Variants in COX4I2 observed in about 807,000 individuals in gnomAD.
The protein encoded by COX4I2 is cytochrome c oxidase subunit 4I2, also known as cytochrome c oxidase subunit 4 isoform 2, mitochondrial.
In COX4I2, 15 loss-of-function variants were observed where a neutral mutation model predicts 20.8. The observed-to-expected ratio is 0.72, with a 90% CI of 0.48 to 1.11. The LOEUF is 1.11. Among genes scored for constraint, COX4I2 ranks in the 50% most tolerant of loss-of-function variants. COX4I2 has a pLI of 0.00. For missense variants in COX4I2, 224 were observed against 223.0 expected (o/e 1.00, Z -0.03); for synonymous variants, 80 against 78.1 (o/e 1.02, Z -0.13).
Position 31,644,997 on chromosome 20 carries a change from C to A in COX4I2, c.*93C>A. The A allele has an allele frequency of 2.8e-6, 4 of 1,437,960 alleles. No individual in the cohort carries two copies. The highest frequency in any genetic ancestry group is 2.9e-5 in the African/African-American group (2 of 69,642). 89.1% of individuals were successfully genotyped at this position (1,437,960 alleles called of 1,614,324 possible). ...CCTGCCCTTAACCCCAGTAAAGCTC[C>A]AAAAAAAAATTTATTCTCTTCTGCC... On this transcript the variant is annotated 3_prime_UTR_variant, in exon 5 of 5. Coordinates refer to ENST00000376075, the MANE Select transcript of COX4I2 (RefSeq NM_032609.3).
intron 2 of COX4I2, 34 bp downstream of exon 2, chr20:31,639,133 CCA>C (rs1428555031): frequency 1.3e-6 from 2 of 1,583,046 alleles, no homozygotes; most frequent in Admixed American, 3.6e-5. Context: ...CTGCCTAACT[CCA>C]GAGATAGGGG....
Position 31,639,154 on chromosome 20 carries a change from C to T in COX4I2, c.82+55C>T. 1.1e-5 allele frequency: 17 copies of T among 1,561,232 alleles called. No homozygotes were observed. The South Asian group carries it at 1.8e-4, about 16-fold the overall frequency. ...AACTCCAGAGATAGGGGCAGGGGTC[C>T]CCTCTGCAGGCTGCCCCCTTTGCCC... is the stretch of plus-strand genomic sequence containing the variant. On this transcript the variant is annotated intron_variant, in intron 2 of 4. Transcript: ENST00000376075.
At chr20:31,641,301 G>T (rs2060466822) in intron 3 of COX4I2, among the ~76,000 whole-genome samples, 1 of 151,090 alleles carries the variant, frequency 6.6e-6, no homozygotes, top group Non-Finnish European at 1.5e-5. Context: ...TGAGGCTAGA[G>T]TGAGCTGTGA....
At chr20:31,642,054 G>A (rs1436524600) in intron 3 of COX4I2, among the ~76,000 whole-genome samples, 3 of 151,792 alleles carry the variant, frequency 2.0e-5, no homozygotes, top group African/African-American at 7.3e-5. Context: ...GTCTCACTAT[G>A]GTTGCTCAGG....
intron 4 of COX4I2, 101 bp from the exon 5 acceptor site, chr20:31,644,667 G>A (rs543388478): frequency 4.0e-5 from 55 of 1,372,218 alleles, no homozygotes; most frequent in East Asian, 4.7e-5. Context: ...ATCTTGTACC[G>A]TCAGCCTTGC....
rs1168418590 is a variant in COX4I2, at chr20:31,637,931, C to T, written c.-32C>T. The T allele has an allele frequency of 6.6e-6, 1 of 152,100 alleles. No homozygotes were observed. The highest frequency in any genetic ancestry group is 1.9e-4 in the East Asian group (1 of 5,174). 9.4% of individuals were successfully genotyped at this position (152,100 alleles called of 1,614,324 possible). A position where few individuals can be genotyped will look rare whatever the true frequency, so the allele number is the denominator to read the frequency against. On this transcript the variant is annotated 5_prime_UTR_variant, in exon 1 of 5. Coordinates refer to ENST00000376075, the MANE Select transcript of COX4I2 (RefSeq NM_032609.3). ...GTTCTCAGTTGCTCGCTGGGCAGAC[C>T]CAGGTCGCGCTCCCACTGCCGAGCC... is the stretch of plus-strand genomic sequence containing the variant.
intron 1 of COX4I2, 42 bp from the exon 2 acceptor site, chr20:31,638,976 G>C (rs374648452): frequency 3.2e-6 from 5 of 1,571,632 alleles, no homozygotes; most frequent in Non-Finnish European, 3.5e-6. Context: ...GGGGCAGAGG[G>C]TGATGTGGGG....
At position 31,643,422 on chromosome 20, in the gene COX4I2, A is replaced by G. The variant is rs144420021; in HGVS notation, c.266A>G (p.Asn89Ser). Reference sequence around the variant, plus strand: ...CCTCCAGTGTACCGGCTCCAGTTCAATGAGACCTTTGCGGAGATGAACCGT... The same window carrying G: ...CCTCCAGTGTACCGGCTCCAGTTCAGTGAGACCTTTGCGGAGATGAACCGT... Reference protein sequence around the residue: ...EKVALYRLQFNETFAEMNRRS... With the variant: ...EKVALYRLQFSETFAEMNRRS... Residue 89 changes from asparagine to serine, a missense_variant, in exon 4 of 5, where the codon AAT becomes AGT. Asn to Ser is a conservative substitution (Grantham distance 46). Coordinates refer to ENST00000376075, the MANE Select transcript of COX4I2 (RefSeq NM_032609.3). 1.8e-5 allele frequency: 29 copies of G among 1,614,062 alleles called. No homozygotes were observed. In the African/African-American group the frequency reaches 3.5e-4, roughly 19 times the overall value.
Position 31,644,887 on chromosome 20 carries a change from A to G in COX4I2, c.499A>G (p.Lys167Glu). ...GLASRWDYEK[K>E]QWKK is the part of the protein sequence containing the mutation. ...GGCCTCCCGCTGGGACTATGAGAAG[A>G]AGCAGTGGAAGAAGTGACTTGCATC... Residue 167 changes from lysine to glutamate, a missense_variant, in exon 5 of 5, where the codon AAG becomes GAG. Coordinates refer to ENST00000376075, the MANE Select transcript of COX4I2 (RefSeq NM_032609.3). The G allele has an allele frequency of 6.2e-7, 1 of 1,613,946 alleles. No homozygotes were observed. The highest frequency in any genetic ancestry group is 2.2e-5 in the East Asian group (1 of 44,852).
intron 3 of COX4I2, among the ~76,000 whole-genome samples, chr20:31,642,196 G>A (rs192261295): frequency 3.3e-5 from 5 of 152,098 alleles, no homozygotes; most frequent in African/African-American, 4.8e-5. Flanking sequence ...GCAGGCAGGC[G>A]TGGCAGCACT....
At chr20:31,638,522 G>T (rs1466472056) in intron 1 of COX4I2, among the ~76,000 whole-genome samples, 1 of 151,508 alleles carries the variant, frequency 6.6e-6, no homozygotes, top group African/African-American at 2.4e-5. Flanking sequence ...GTGCACGTAG[G>T]CAGCCAATTA....
At chr20:31,640,856 G>A (rs1264585960) in intron 3 of COX4I2, among the ~76,000 whole-genome samples, 1 of 151,892 alleles carries the variant, frequency 6.6e-6, no homozygotes, top group Non-Finnish European at 1.5e-5. Context: ...CATGCACTGG[G>A]AATGCAGCTG....
intron 2 of COX4I2, among the ~76,000 whole-genome samples, chr20:31,639,683 G>A (rs6142394): frequency 1.3e-5 from 2 of 150,860 alleles, no homozygotes; most frequent in African/African-American, 4.9e-5. Flanking sequence ...TCAGCCTCCC[G>A]AGTAGCTGGG....
chr20:31,640,053 A>G lies in COX4I2; in HGVS notation c.203A>G (p.Glu68Gly). 1 of 1,613,592 alleles carries G rather than the reference A, an allele frequency of 6.2e-7. No homozygotes were observed. Among genetic ancestry groups the G allele is most frequent in the South Asian group, 1.1e-5 (1 of 91,072 alleles). Residue 68 changes from glutamate to glycine, a missense_variant, in exon 3 of 5, where the codon GAG (glutamate) becomes GGG (glycine). Glu to Gly is a moderately conservative substitution (Grantham distance 98). Transcript: ENST00000376075. ...NAEEQALKEK[E>G]KGSWTQLTHA... ...GAGGAGCAGGCCCTGAAGGAGAAGGAGAAGGGAAGCTGGACCCAGCTGACC... is the reference window on the plus strand; with the variant it reads ...GAGGAGCAGGCCCTGAAGGAGAAGGGGAAGGGAAGCTGGACCCAGCTGACC...
intron 3 of COX4I2, among the ~76,000 whole-genome samples, chr20:31,643,200 T>C (rs571722154): frequency 2.6e-5 from 4 of 152,336 alleles, no homozygotes; most frequent in African/African-American, 7.2e-5. Context: ...CATTTGCCAT[T>C]GTCTCCCCCT....
chr20:31,644,825 G>A lies in COX4I2; in HGVS notation c.437G>A (p.Arg146His), dbSNP rs1568834783. The part of the protein sequence containing the change: ...TDERKAQQLQ[R>H]MLDMKVNPVQ... Reference sequence around the variant, plus strand: ...GAGCGGAAAGCCCAGCAGCTGCAGCGCATGCTGGACATGAAGGTGAATCCT... The same window carrying A: ...GAGCGGAAAGCCCAGCAGCTGCAGCACATGCTGGACATGAAGGTGAATCCT... The change falls in exon 5 of 5, where the codon CGC (arginine) becomes CAC (histidine). Residue 146 changes from arginine (R) to histidine (H), a missense_variant. Arg to His is a conservative substitution (Grantham distance 29). Transcript: ENST00000376075. 3 of 1,613,944 alleles carry A rather than the reference G, an allele frequency of 1.9e-6. No homozygotes were observed. Among genetic ancestry groups the A allele is most frequent in the Admixed American group, 1.7e-5 (1 of 59,994 alleles).
chr20:31,638,915 A>T, intron 1 of COX4I2, 103 bp from the exon 2 acceptor site: 1 of 1,188,420 alleles, frequency 8.4e-7, no homozygotes, highest in Non-Finnish European at 1.2e-6. Flanking sequence ...GGACACCCCT[A>T]CCACTACCAT....
In COX4I2 at chr20:31,643,416, A is replaced by T; in HGVS notation, c.260A>T (p.Gln87Leu). Reference protein sequence around the residue: ...HAEKVALYRLQFNETFAEMNR... With the variant: ...HAEKVALYRLLFNETFAEMNR... ...CAACTGCCTCCAGTGTACCGGCTCC[A>T]GTTCAATGAGACCTTTGCGGAGATG... The change falls in exon 4 of 5, where the codon CAG (glutamine) becomes CTG (leucine). Residue 87 changes from glutamine (Q) to leucine (L), a missense_variant. Transcript: ENST00000376075. The T allele has an allele frequency of 6.2e-7, 1 of 1,614,198 alleles. No homozygotes were observed. The highest frequency in any genetic ancestry group is 8.5e-7 in the Non-Finnish European group (1 of 1,180,046).
At position 31,644,870 on chromosome 20, in the gene COX4I2, G is replaced by A. The variant is rs11907253; in HGVS notation, c.482G>A (p.Arg161His). 115,632 of 1,613,840 alleles carry A rather than the reference G, an allele frequency of 0.072. 4,535 individuals carry two copies. Among genetic ancestry groups the A allele is most frequent in the Middle Eastern group, 0.13 (801 of 6,060 alleles). The change falls in exon 5 of 5, where the codon CGC becomes CAC. Residue 161 changes from arginine to histidine, a missense_variant. Coordinates refer to ENST00000376075, the MANE Select transcript of COX4I2 (RefSeq NM_032609.3). ...KVNPVQGLASRWDYEKKQWKK is the reference protein window; with the variant it reads ...KVNPVQGLASHWDYEKKQWKK ...AATCCTGTGCAGGGCCTGGCCTCCCGCTGGGACTATGAGAAGAAGCAGTGG... is the reference window on the plus strand; with the variant it reads ...AATCCTGTGCAGGGCCTGGCCTCCCACTGGGACTATGAGAAGAAGCAGTGG...
Sources: gnomAD v4.1 joint callset for allele counts (sites outside exome capture counted in the v4.1 genomes callset) on GRCh38, gnomAD v4.1.1 for gene constraint, MANE v1.5 for transcripts, NCBI Gene and HGNC (gene_info 2026-07-23, HGNC 2026-07-21) for gene names.